Variants in RBM7 observed in about 807,000 individuals in gnomAD.
The protein encoded by RBM7 is RNA-binding protein 7.
Under a neutral mutation model 31.0 loss-of-function variants are expected in RBM7, and 13 were observed. The observed-to-expected ratio is 0.42, with a 90% CI of 0.27 to 0.67. The LOEUF (loss-of-function observed/expected upper bound fraction) is 0.67. Among genes scored for constraint, RBM7 ranks in the 30% least tolerant of loss-of-function variants. The pLI is 0.24. For missense variants in RBM7, 245 were observed against 326.2 expected, an observed-to-expected ratio of 0.75 and a Z score of 1.92; for synonymous variants, 106 against 111.2, an observed-to-expected ratio of 0.95 and a Z score of 0.30.
rs1384635833 is a variant in RBM7, at chr11:114,410,393, A to AT, written c.*2591dup. The AT allele has an allele frequency of 6.6e-6, 1 of 152,074 alleles. No homozygotes were observed. The highest frequency in any genetic ancestry group is 2.4e-5 in the African/African-American group (1 of 41,398). 9.4% of individuals were successfully genotyped at this position (152,074 alleles called of 1,614,324 possible). ...TCTACCTTTCCCCATCTAAAATAAA[A>AT]TTTTTATACCACTTTCTAATTATGT... On this transcript the variant is annotated 3_prime_UTR_variant, in exon 5 of 5. Transcript: ENST00000375490.
At chr11:114,405,370 C>CT (rs1946253664) in intron 3 of RBM7, among the ~76,000 whole-genome samples, 1 of 152,206 alleles carries the variant, frequency 6.6e-6, no homozygotes, top group South Asian at 2.1e-4. Flanking sequence ...TTGCTCACCC[C>CT]TGCACTAGTC....
rs758645695 is a variant in RBM7, at chr11:114,407,761, G to C, written c.758G>C (p.Arg253Thr). The C allele has an allele frequency of 4.3e-6, 7 of 1,613,198 alleles. No homozygotes were observed. The highest frequency in any genetic ancestry group is 5.1e-6 in the Non-Finnish European group (6 of 1,179,924). ...GACTGGAGCCATGACTATGATAACAGAAGAGACAGTAGTAGAGATGGAAAA... is the reference window on the plus strand; with the variant it reads ...GACTGGAGCCATGACTATGATAACACAAGAGACAGTAGTAGAGATGGAAAA... Reference protein sequence around the residue: ...HDDWSHDYDNRRDSSRDGKWR... With the variant: ...HDDWSHDYDNTRDSSRDGKWR... The change falls in exon 5 of 5, where the codon AGA becomes ACA. Residue 253 changes from arginine to threonine, a missense_variant. Physicochemically the swap from Arg to Thr is moderately conservative, Grantham distance 71. Transcript: ENST00000375490.
At chr11:114,406,137 T>A (rs1394664401) in intron 4 of RBM7, 1 of 169,572 alleles carries the variant, frequency 5.9e-6, no homozygotes, top group Non-Finnish European at 1.3e-5. Flanking sequence ...CTATCCTGAG[T>A]GACTTATCAT....
intron 1 of RBM7, among the ~76,000 whole-genome samples, chr11:114,401,180 G>C (rs1946194830): frequency 1.3e-5 from 2 of 152,196 alleles, no homozygotes; most frequent in Middle Eastern, 3.4e-3. Flanking sequence ...CCTAAAGTTT[G>C]CTTATCAAAT....
chr11:114,404,377 C>T (rs1457523859), intron 3 of RBM7, among the ~76,000 whole-genome samples: 1 of 152,118 alleles, frequency 6.6e-6, no homozygotes, highest in African/African-American at 2.4e-5. Context: ...AGCAATAGTG[C>T]AAAAAGTGTA....
In RBM7 at chr11:114,409,668, C is replaced by G. The variant is rs1946313592; in HGVS notation, c.*1861C>G. On this transcript the variant is annotated 3_prime_UTR_variant, in exon 5 of 5. Coordinates refer to ENST00000375490, the MANE Select transcript of RBM7 (RefSeq NM_001286045.2). Reference sequence around the variant, plus strand: ...ACAGGTGTGAGCCACCGCGCCTGGCCTAATACTGCTTTATTACAACGTTAT... The same window carrying G: ...ACAGGTGTGAGCCACCGCGCCTGGCGTAATACTGCTTTATTACAACGTTAT... 1 of 152,212 alleles carries G rather than the reference C, an allele frequency of 6.6e-6. No homozygotes were observed. Among genetic ancestry groups the G allele is most frequent in the African/African-American group, 2.4e-5 (1 of 41,438 alleles). 9.4% of individuals were successfully genotyped at this position (152,212 alleles called of 1,614,324 possible).
Position 114,405,812 on chromosome 11 carries a change from T to C in RBM7, c.441+13T>C. ...GAGACAAGCAGTGGTAGGTTGACTA[T>C]TTTTCAACTTGAATTGCCAAAAAAA... On this transcript the variant is annotated intron_variant, in intron 4 of 4. Transcript: ENST00000375490. The C allele has an allele frequency of 2.6e-6, 4 of 1,518,604 alleles. No individual in the cohort carries two copies. The highest frequency in any genetic ancestry group is 3.6e-6 in the Non-Finnish European group (4 of 1,117,502). 94.1% of individuals were successfully genotyped at this position (1,518,604 alleles called of 1,614,324 possible).
Position 114,409,813 on chromosome 11 carries a change from T to C in RBM7, c.*2006T>C, listed in dbSNP as rs1946314825. 6.6e-6 allele frequency: 1 copy of C among 152,226 alleles called. No homozygotes were observed. The highest frequency in any genetic ancestry group is 2.4e-5 in the African/African-American group (1 of 41,448). The allele number at this position is 152,226 out of a possible 1,614,324, so 9.4% of individuals were successfully genotyped here. On this transcript the variant is annotated 3_prime_UTR_variant, in exon 5 of 5. Transcript: ENST00000375490. The stretch of plus-strand genomic sequence containing the variant: ...GTGAATCTTCTTTTTCACTTCACTT[T>C]CAGTGAGCTGAAAGTAACCAAACTA...
intron 1 of RBM7, among the ~76,000 whole-genome samples, chr11:114,401,127 T>A (rs1300268015): frequency 6.6e-6 from 1 of 152,222 alleles, no homozygotes; most frequent in African/African-American, 2.4e-5. Context: ...TTGGTTTATC[T>A]GACTGGGAAC....
intron 3 of RBM7, among the ~76,000 whole-genome samples, chr11:114,405,382 T>A (rs904260386): frequency 1.3e-5 from 2 of 152,230 alleles, no homozygotes; most frequent in African/African-American, 4.8e-5. Flanking sequence ...GCACTAGTCC[T>A]TCAGCTGGGA....
rs143585940 is a variant in RBM7 at position 114,401,662 on chromosome 11, G to A, written c.97-36G>A. On this transcript the variant is annotated intron_variant, in intron 1 of 4. Transcript: ENST00000375490. The stretch of plus-strand genomic sequence containing the variant: ...AAAATTTGAGTATTTTCCCTTAGTT[G>A]CTTTATTTAAATTCTAAACACCTTT... The A allele has an allele frequency of 7.7e-4, 1,109 of 1,433,476 alleles. 13 individuals carry two copies. The East Asian group carries it at 0.027, about 34-fold the overall frequency. 88.8% of individuals were successfully genotyped at this position (1,433,476 alleles called of 1,614,324 possible).
chr11:114,400,846 T>G (rs1168318227), intron 1 of RBM7, 79 bp downstream of exon 1: 23 of 1,547,930 alleles, frequency 1.5e-5, no homozygotes, highest in Non-Finnish European at 2.0e-5. Context: ...CCGTTTTCTT[T>G]TCGTAGCCGT....
chr11:114,405,830 C>CAA (rs58728682), intron 4 of RBM7, 31 bp downstream of exon 4: 712 of 1,315,976 alleles, frequency 5.4e-4, no homozygotes, highest in East Asian at 2.1e-3. Flanking sequence ...CTTGAATTGC[C>CAA]AAAAAAAAAT....
chr11:114,402,805 T>C (rs2135350710), intron 2 of RBM7, 23 bp from the exon 3 acceptor site: 1 of 1,567,398 alleles, frequency 6.4e-7, no homozygotes, highest in South Asian at 1.1e-5. Flanking sequence ...TCAAGAATAA[T>C]TTTTCAAATT....
chr11:114,405,615 C>A, intron 3 of RBM7, 91 bp from the exon 4 acceptor site: 1 of 797,024 alleles, frequency 1.3e-6, no homozygotes, highest in Non-Finnish European at 1.9e-6. Flanking sequence ...CTGTCTTGTT[C>A]ATTCCGACCT....
chr11:114,405,880 G>T, intron 4 of RBM7, 81 bp downstream of exon 4: 1 of 984,286 alleles, frequency 1.0e-6, no homozygotes. Flanking sequence ...CAAATAACTG[G>T]TTTTTAATTA....
chr11:114,405,705 G>A lies in RBM7; in HGVS notation c.348-1G>A, dbSNP rs1946257426. 4 of 1,563,826 alleles carry A rather than the reference G, an allele frequency of 2.6e-6. No individual in the cohort carries two copies. The highest frequency in any genetic ancestry group is 3.5e-6 in the Non-Finnish European group (4 of 1,156,456). The stretch of plus-strand genomic sequence containing the variant: ...TGGTTACATGTTGGTTTTCTTTTTA[G>A]CAGGTACGAAAGGACTATGGATAAC... On this transcript the variant is annotated splice_acceptor_variant, in intron 3 of 4. Coordinates refer to ENST00000375490, the MANE Select transcript of RBM7 (RefSeq NM_001286045.2). LOFTEE classifies it high-confidence loss of function.
At chr11:114,407,228 T>C (rs1211469867) in intron 4 of RBM7, 2 of 447,426 alleles carry the variant, frequency 4.5e-6, no homozygotes, top group Non-Finnish European at 7.9e-6. Context: ...GTGTGACTTA[T>C]TCTGAGTTGC....
At chr11:114,404,300 G>A (rs1946238555) in intron 3 of RBM7, among the ~76,000 whole-genome samples, 1 of 152,176 alleles carries the variant, frequency 6.6e-6, no homozygotes, top group Non-Finnish European at 1.5e-5. Context: ...TTTAGATTAA[G>A]GTGGTGCCAT....
Sources: allele counts gnomAD v4.1 joint callset (sites outside exome capture counted in the v4.1 genomes callset), GRCh38; gene constraint gnomAD v4.1.1; transcripts MANE v1.5; gene names NCBI Gene and HGNC (gene_info 2026-07-23, HGNC 2026-07-21).